The following PKNOX2 variants were observed in gnomAD, a reference collection of about 807,000 sequenced individuals.
The protein encoded by PKNOX2 is PBX/knotted 1 homeobox 2.
A neutral mutation model predicts 53.1 loss-of-function variants in PKNOX2; 14 were observed. The ratio of observed to expected loss-of-function variants is 0.26; its 90% CI spans 0.17 to 0.41. PKNOX2 has a LOEUF of 0.41. Among genes scored for constraint, PKNOX2 ranks in the 10% least tolerant of loss-of-function variants. PKNOX2 has a pLI of 1.00. For synonymous variants in PKNOX2, 257 were observed against 242.8 expected, an observed-to-expected ratio of 1.06 and a Z score of -0.54; for missense variants, 496 against 602.8, an observed-to-expected ratio of 0.82 and a Z score of 1.85.
At chr11:125,383,379 G>A (rs1953385536) in intron 5 of PKNOX2, among the ~76,000 whole-genome samples, 1 of 150,746 alleles carries the variant, frequency 6.6e-6, no homozygotes, top group African/African-American at 2.4e-5. Flanking sequence ...GGAGGCCAAG[G>A]CAGGCAGATC....
chr11:125,214,668 A>G (rs1404990508), intron 1 of PKNOX2, among the ~76,000 whole-genome samples: 3 of 152,020 alleles, frequency 2.0e-5, no homozygotes, highest in Admixed American at 6.5e-5. Context: ...TGCACCATCA[A>G]TCAGGCAATG....
intron 2 of PKNOX2, among the ~76,000 whole-genome samples, chr11:125,267,599 A>G (rs1381710579): frequency 6.6e-6 from 1 of 152,194 alleles, no homozygotes; most frequent in African/African-American, 2.4e-5. Context: ...TCTGGAAGTA[A>G]AAACAACAAA....
In PKNOX2 at chr11:125,365,756, C is replaced by T. The variant is rs1952156430; in HGVS notation, c.88-2090C>T. On this transcript the variant is annotated intron_variant, in intron 4 of 12. Coordinates refer to ENST00000298282, the MANE Select transcript of PKNOX2 (RefSeq NM_001382323.2). The stretch of plus-strand genomic sequence containing the variant: ...TTTTCTAATCCATGCAATTGTCCAC[C>T]AGGCTGCATCTCTCCACATTTTCTG... Among the ~76,000 whole-genome samples the T allele has an allele frequency of 2.0e-5, 3 of 152,182 alleles. No individual in the cohort carries two copies. The South Asian group carries it at 6.2e-4, about 32-fold the overall frequency.
rs1288450028 is a variant in PKNOX2 at position 125,165,264 on chromosome 11, G to A, written c.-201+488G>A. 4.6e-5 allele frequency among the ~76,000 whole-genome samples: 7 copies of A among 152,014 alleles called. No homozygotes were observed. Among genetic ancestry groups the A allele is most frequent in the African/African-American group, 1.4e-4 (6 of 41,448 alleles). ...ATCGCCGCGGGCCCAACCCCGTAGC[G>A]GGCGGGCGGGGAGCTGTGCGCCAGG... On this transcript the variant is annotated intron_variant, in intron 1 of 12. Transcript: ENST00000298282. The surrounding 1 kb of genome is among the most constrained non-coding windows in gnomAD (Gnocchi z 4.5).
At chr11:125,251,816 C>T (rs1448082837) in intron 2 of PKNOX2, among the ~76,000 whole-genome samples, 3 of 149,978 alleles carry the variant, frequency 2.0e-5, no homozygotes, top group African/African-American at 7.3e-5. Context: ...TCTACCTCCT[C>T]AGCTCAGATT....
chr11:125,327,283 G>A (rs529700923), intron 2 of PKNOX2, among the ~76,000 whole-genome samples: 2 of 152,362 alleles, frequency 1.3e-5, no homozygotes, highest in South Asian at 2.1e-4. Context: ...GACGGGTCCA[G>A]TAGAATGAAC....
chr11:125,306,710 G>A (rs1283976805), intron 2 of PKNOX2, among the ~76,000 whole-genome samples: 1 of 152,190 alleles, frequency 6.6e-6, no homozygotes. Flanking sequence ...GAGGAGAGGT[G>A]AACAGCTTGA....
intron 2 of PKNOX2, among the ~76,000 whole-genome samples, chr11:125,276,734 AT>A (rs1370429316): frequency 6.6e-6 from 1 of 152,194 alleles, no homozygotes; most frequent in Non-Finnish European, 1.5e-5. Context: ...AGACTGGGAA[AT>A]TGAATTTTCT....
intron 2 of PKNOX2, among the ~76,000 whole-genome samples, chr11:125,329,085 A>C (rs887188163): frequency 6.6e-6 from 1 of 152,244 alleles, no homozygotes; most frequent in African/African-American, 2.4e-5. Context: ...CAAAAACTGG[A>C]AATAATCTAA....
intron 7 of PKNOX2, among the ~76,000 whole-genome samples, chr11:125,402,533 G>T (rs1025152460): frequency 1.3e-5 from 2 of 152,280 alleles, no homozygotes; most frequent in South Asian, 4.1e-4. Context: ...CGTTTGGGGG[G>T]CACTCACTGT....
chr11:125,407,767 T>G (rs1955204854), intron 7 of PKNOX2, among the ~76,000 whole-genome samples: 1 of 151,596 alleles, frequency 6.6e-6, no homozygotes, highest in Non-Finnish European at 1.5e-5. Context: ...AAAAAGTAAA[T>G]TTACCTTCCG....
intron 1 of PKNOX2, among the ~76,000 whole-genome samples, chr11:125,216,434 T>C (rs1018408155): frequency 7.9e-5 from 12 of 152,264 alleles, no homozygotes; most frequent in African/African-American, 2.9e-4. Flanking sequence ...GCAGTCCTGG[T>C]AGGGGGGTGA....
intron 1 of PKNOX2, among the ~76,000 whole-genome samples, chr11:125,213,785 G>A (rs139646126): frequency 6.6e-6 from 1 of 152,082 alleles, no homozygotes; most frequent in South Asian, 2.1e-4. Context: ...CTTAAAATGT[G>A]AACATTTCAA....
Position 125,431,262 on chromosome 11 carries a change from A to G in PKNOX2, c.1289A>G (p.Asp430Gly), listed in dbSNP as rs762312449. The G allele has an allele frequency of 5.6e-6, 9 of 1,613,616 alleles. No individual in the cohort carries two copies. The South Asian group carries it at 7.7e-5, about 14-fold the overall frequency. Reference protein sequence around the residue: ...AMMAAHDDSLDGTEEEDEDEM... With the variant: ...AMMAAHDDSLGGTEEEDEDEM... ...ATGGCTGCACACGATGACTCATTGG[A>G]TGGGACAGAAGAAGAGGATGAGGAT... is the stretch of plus-strand genomic sequence containing the variant. Residue 430 changes from aspartate (D) to glycine (G), a missense_variant, in exon 13 of 13, where the codon GAT becomes GGT. By Grantham distance (94) the Asp-to-Gly change is moderately conservative. Around this residue, in one of 5 missense-constraint regions of PKNOX2, gnomAD observed 139 missense variants for 161.3 expected, o/e 0.86. Coordinates refer to ENST00000298282, the MANE Select transcript of PKNOX2 (RefSeq NM_001382323.2).
intron 4 of PKNOX2, among the ~76,000 whole-genome samples, chr11:125,366,042 G>A (rs941090765): frequency 1.3e-5 from 2 of 152,184 alleles, no homozygotes; most frequent in Non-Finnish European, 2.9e-5. Flanking sequence ...GTTTTTTTCA[G>A]AATTCAGTTT....
At chr11:125,378,890 A>G (rs1378062758) in intron 5 of PKNOX2, among the ~76,000 whole-genome samples, 1 of 151,810 alleles carries the variant, frequency 6.6e-6, no homozygotes, top group African/African-American at 2.4e-5. Context: ...GCCTCTCTGA[A>G]GCTCTGTATT....
intron 2 of PKNOX2, among the ~76,000 whole-genome samples, chr11:125,325,999 C>T (rs953633627): frequency 3.3e-5 from 5 of 152,206 alleles, no homozygotes; most frequent in Admixed American, 3.3e-4. Flanking sequence ...ACTGGTTCAG[C>T]ATTGATCTGA....
At chr11:125,399,444 G>A (rs1991321) in intron 7 of PKNOX2, among the ~76,000 whole-genome samples, 11,696 of 152,272 alleles carry the variant, frequency 0.077, 542 homozygotes, top group Non-Finnish European at 0.11. Context: ...CCATGGTGAC[G>A]CTGCGCAGTC....
intron 1 of PKNOX2, among the ~76,000 whole-genome samples, chr11:125,203,546 T>A (rs1938700979): frequency 6.6e-6 from 1 of 152,144 alleles, no homozygotes; most frequent in African/African-American, 2.4e-5. Context: ...CAGTGTTCTT[T>A]GGGGACAGGA....
Sources: allele counts gnomAD v4.1 joint callset (sites outside exome capture counted in the v4.1 genomes callset), GRCh38; gene constraint gnomAD v4.1.1; regional missense constraint gnomAD v4.1.1; non-coding constraint Gnocchi (gnomAD v3.1); transcripts MANE v1.5; gene names NCBI Gene and HGNC (gene_info 2026-07-23, HGNC 2026-07-21).